C2orf80: variants seen among roughly 807,000 people sequenced by gnomAD.
The protein encoded by C2orf80 is uncharacterized protein C2orf80.
A neutral mutation model predicts 30.2 loss-of-function variants in C2orf80; 28 were observed. The ratio of observed to expected loss-of-function variants is 0.93; its 90% confidence interval spans 0.69 to 1.27. The LOEUF (loss-of-function observed/expected upper bound fraction) is 1.27, where lower values mean the gene tolerates loss of function less well. Ranked by LOEUF, C2orf80 falls within the 50% of genes most tolerant of loss-of-function variation. The pLI, the probability that C2orf80 is intolerant of heterozygous loss-of-function variation, is 0.00. For missense variants in C2orf80, 220 were observed against 231.0 expected (o/e 0.95, Z 0.31); for synonymous variants, 80 against 76.4 (o/e 1.05, Z -0.24).
rs370633686 is a variant in C2orf80, at chr2:208,182,681, C to G, written c.206+284G>C. 6.8e-4 allele frequency among the ~76,000 whole-genome samples: 103 copies of G among 152,294 alleles called. 3 individuals are homozygous for G. In the South Asian group the frequency reaches 0.02, roughly 29 times the overall value. ...CTCCCAGAGTGCTGGGATTACAGGC[C>G]TGAGCCACCGCGCCCGGCCCCTTAA... On this transcript the variant is annotated intron_variant, in intron 4 of 8. Coordinates refer to ENST00000341287, the MANE Select transcript of C2orf80 (RefSeq NM_001099334.3).
At chr2:208,182,834 G>T in intron 4 of C2orf80, 131 bp downstream of exon 4, 2 of 763,640 alleles carry the variant, frequency 2.6e-6, no homozygotes, top group Non-Finnish European at 2.3e-6. Context: ...TCTCGTTGAA[G>T]AGGGATATTC....
intron 6 of C2orf80, among the ~76,000 whole-genome samples, chr2:208,176,907 G>GTATACATATGTATACAGATC (rs374721784): frequency 2.0e-4 from 2 of 10,136 alleles, no homozygotes; most frequent in East Asian, 0.015. Context: ...ATACATATCT[G>GTATACATATGTATACAGATC]TGTATACATA....
chr2:208,165,848 A>G (rs6721025), intron 8 of C2orf80, 33 bp from the exon 9 acceptor site: 1,007,038 of 1,520,936 alleles, frequency 0.66, 338,726 homozygotes, highest in Non-Finnish European at 0.7. Flanking sequence ...GGTATCAAGC[A>G]CATCAATTTA....
At chr2:208,186,688 C>T (rs367559227) in intron 2 of C2orf80, among the ~76,000 whole-genome samples, 65 of 152,286 alleles carry the variant, frequency 4.3e-4, no homozygotes, top group African/African-American at 1.4e-3. Flanking sequence ...AGCTCTCAGG[C>T]TCTAGAATGT....
At chr2:208,177,738 C>A (rs1376534136) in intron 6 of C2orf80, among the ~76,000 whole-genome samples, 2 of 152,086 alleles carry the variant, frequency 1.3e-5, no homozygotes, top group South Asian at 2.1e-4. Flanking sequence ...AATGAGTGAT[C>A]AGATGGATAG....
chr2:208,174,207 G>A (rs2105897386), intron 6 of C2orf80, among the ~76,000 whole-genome samples: 1 of 152,246 alleles, frequency 6.6e-6, no homozygotes, highest in East Asian at 1.9e-4. Context: ...TCCTGCCTCA[G>A]CCTCTTAAAG....
rs1236833815 is a variant in C2orf80 at position 208,187,065 on chromosome 2, C to T, written c.-75-4G>A. On this transcript the variant is annotated splice_region_variant and splice_polypyrimidine_tract_variant and intron_variant, in intron 1 of 8. Coordinates refer to ENST00000341287, the MANE Select transcript of C2orf80 (RefSeq NM_001099334.3). ...CCAGCTTCTCTGAGTCTAGAGGCTA[C>T]AGCAGCAAATCAGAGAGAATATGAG... 9.0e-6 allele frequency: 12 copies of T among 1,335,258 alleles called. No homozygotes were observed. The highest frequency in any genetic ancestry group is 3.5e-5 in the South Asian group (3 of 84,684). 82.7% of individuals were successfully genotyped at this position (1,335,258 alleles called of 1,614,324 possible).
intron 6 of C2orf80, among the ~76,000 whole-genome samples, chr2:208,178,598 T>C (rs1450964368): frequency 2.0e-5 from 3 of 152,132 alleles, no homozygotes; most frequent in Non-Finnish European, 4.4e-5. Context: ...TAAGCTCCAA[T>C]ATAGGATATA....
At chr2:208,183,169 G>T (rs1383238703) in intron 3 of C2orf80, 122 bp from the exon 4 acceptor site, 3 of 685,840 alleles carry the variant, frequency 4.4e-6, no homozygotes, top group East Asian at 2.7e-5. Flanking sequence ...AAATGGGAAG[G>T]ATCATTAGCT....
rs1695868712 is a variant in C2orf80 at position 208,165,810 on chromosome 2, A to G, written c.579T>C (p.Thr193=). The G allele has an allele frequency of 6.2e-7, 1 of 1,609,804 alleles. No homozygotes were observed. The highest frequency in any genetic ancestry group is 8.5e-7 in the Non-Finnish European group (1 of 1,177,948). The change falls in exon 9 of 9, where the codon ACT becomes ACC. Residue 193 remains threonine (T), a synonymous_variant. Coordinates refer to ENST00000341287, the MANE Select transcript of C2orf80 (RefSeq NM_001099334.3). The stretch of plus-strand genomic sequence containing the variant: ...TCCATGGTACAATTCCAATTTTCTA[A>G]GTGACCTGCAGAATAAAAGATGATT... ...FSDTQPKHKV[T]
chr2:208,167,718 A>G (rs1303206729), intron 8 of C2orf80, among the ~76,000 whole-genome samples: 2 of 151,628 alleles, frequency 1.3e-5, no homozygotes, highest in African/African-American at 4.8e-5. Flanking sequence ...CTGGGATTAT[A>G]GGCGTGCACC....
chr2:208,172,135 C>T, intron 6 of C2orf80, 60 bp from the exon 7 acceptor site: 2 of 1,277,078 alleles, frequency 1.6e-6, no homozygotes, highest in Non-Finnish European at 2.3e-6. Flanking sequence ...TGAACACCTG[C>T]TAGTCACAGC....
intron 6 of C2orf80, among the ~76,000 whole-genome samples, chr2:208,175,498 C>G (rs1160818897): frequency 6.6e-6 from 1 of 152,150 alleles, no homozygotes; most frequent in Non-Finnish European, 1.5e-5. Context: ...GCCTATGACT[C>G]CTTTCTACCA....
chr2:208,185,402 T>C (rs1171765695), intron 2 of C2orf80, among the ~76,000 whole-genome samples: 1 of 152,220 alleles, frequency 6.6e-6, no homozygotes, highest in Non-Finnish European at 1.5e-5. Context: ...AAGCAGCATG[T>C]CCAAAGTTGA....
intron 3 of C2orf80, 74 bp downstream of exon 3, chr2:208,184,877 A>G (rs1271567211): frequency 1.2e-5 from 15 of 1,253,872 alleles, no homozygotes; most frequent in Non-Finnish European, 1.6e-5. Flanking sequence ...TTATTGTATA[A>G]ATAAGATCCT....
At chr2:208,184,393 A>T (rs954092645) in intron 3 of C2orf80, among the ~76,000 whole-genome samples, 2 of 152,152 alleles carry the variant, frequency 1.3e-5, no homozygotes, top group African/African-American at 4.8e-5. Flanking sequence ...AGGAGAGGGG[A>T]GTGGAGGGAG....
intron 4 of C2orf80, 84 bp downstream of exon 4, chr2:208,182,881 G>A (rs1559343885): frequency 4.6e-6 from 5 of 1,097,006 alleles, no homozygotes; most frequent in African/African-American, 1.5e-5. Context: ...GCCTCATGAT[G>A]GAAGATGTTA....
At chr2:208,179,607 C>T (rs1437055534) in intron 6 of C2orf80, among the ~76,000 whole-genome samples, 1 of 152,174 alleles carries the variant, frequency 6.6e-6, no homozygotes, top group Non-Finnish European at 1.5e-5. Flanking sequence ...CAGTAGTTCA[C>T]CTCTAAATAG....
intron 2 of C2orf80, among the ~76,000 whole-genome samples, chr2:208,186,627 C>A (rs912554433): frequency 1.3e-5 from 2 of 152,202 alleles, no homozygotes; most frequent in African/African-American, 4.8e-5. Flanking sequence ...GCAGGGCCAG[C>A]CCCTTTCAAC....
Sources: gnomAD v4.1 joint callset for allele counts (sites outside exome capture counted in the v4.1 genomes callset) on GRCh38, gnomAD v4.1.1 for gene constraint, MANE v1.5 for transcripts, NCBI Gene and HGNC (gene_info 2026-07-23, HGNC 2026-07-21) for gene names.